CDH18: variants seen among roughly 807,000 people sequenced by gnomAD.
CDH18 encodes the protein cadherin 18, also known as cadherin-18.
A neutral mutation model predicts 67.9 loss-of-function variants in CDH18; 31 were observed. That is an observed-to-expected ratio of 0.46 (90% CI 0.34 to 0.62). CDH18 has a LOEUF of 0.62. CDH18 is among the 20% of genes least tolerant of loss of function. The pLI, the probability that CDH18 is intolerant of heterozygous loss-of-function variation, is 0.01. For missense variants in CDH18, 890 were observed against 975.5 expected (o/e 0.91, Z 1.17); for synonymous variants, 362 against 347.2 (o/e 1.04, Z -0.48).
chr5:19,818,453 T>C (rs1176850064), intron 3 of CDH18, among the ~76,000 whole-genome samples: 3 of 152,102 alleles, frequency 2.0e-5, no homozygotes, highest in Non-Finnish European at 4.4e-5. Flanking sequence ...ACTAGTCTGT[T>C]AGTTTTTACA....
intron 1 of CDH18, among the ~76,000 whole-genome samples, chr5:20,293,804 T>A (rs7705933): frequency 0.041 from 6,283 of 152,222 alleles, 385 homozygotes; most frequent in East Asian, 0.28. Context: ...AAATAGTGTA[T>A]TATAAAATAT....
intron 2 of CDH18, among the ~76,000 whole-genome samples, chr5:19,978,094 C>T (rs567413418): frequency 2.2e-4 from 34 of 151,712 alleles, no homozygotes; most frequent in African/African-American, 4.6e-4. Context: ...TTATTGTTTG[C>T]GTGGATGAAT....
intron 1 of CDH18, among the ~76,000 whole-genome samples, chr5:20,516,935 T>G (rs1755415080): frequency 6.6e-6 from 1 of 151,964 alleles, no homozygotes; most frequent in Admixed American, 6.6e-5. Context: ...CTAGAGTCCA[T>G]CAAATAGAAT....
rs1748433675 is a variant in CDH18 at position 20,427,966 on chromosome 5, T to C, written c.-580+147496A>G. Among the ~76,000 whole-genome samples, 2 of 151,110 alleles carry C rather than the reference T, an allele frequency of 1.3e-5. 1 individual carries two copies. Among genetic ancestry groups the C allele is most frequent in the African/African-American group, 5.0e-5 (2 of 40,396 alleles). ...ATTTTACTTTAAGTTCTAGGATACA[T>C]GTGCAGAACGTGCAGGTTTGTTACA... On this transcript the variant is annotated intron_variant, in intron 1 of 14. Coordinates refer to the CDH18 transcript ENST00000507958.
intron 2 of CDH18, among the ~76,000 whole-genome samples, chr5:19,897,516 A>G (rs1311000619): frequency 6.6e-6 from 1 of 152,108 alleles, no homozygotes; most frequent in Non-Finnish European, 1.5e-5. Context: ...ACTACTCAGC[A>G]ATATCTACTA....
intron 3 of CDH18, among the ~76,000 whole-genome samples, chr5:19,770,327 A>T (rs939048468): frequency 1.3e-5 from 2 of 152,106 alleles, no homozygotes; most frequent in Non-Finnish European, 2.9e-5. Flanking sequence ...AAAAAAACAT[A>T]ATCAGCAGAT....
At chr5:20,459,449 G>A (rs13170427) in intron 1 of CDH18, among the ~76,000 whole-genome samples, 74,158 of 151,934 alleles carry the variant, frequency 0.49, 18,451 homozygotes, top group Non-Finnish European at 0.52. Context: ...CTCTCTGACA[G>A]AAGGGAGAGG....
In CDH18 at chr5:20,025,587, T is replaced by G. The variant is rs183648218; in HGVS notation, c.-517-33573A>C. Among the ~76,000 whole-genome samples the G allele has an allele frequency of 3.0e-3, 462 of 152,278 alleles. 3 individuals are homozygous for G. The highest frequency in any genetic ancestry group is 0.01 in the African/African-American group (430 of 41,564). ...CTTCTGTATAATTAGCAGAGACAAA[T>G]CAACATTTTATTTTTGTCTTTGGCC... is the stretch of plus-strand genomic sequence containing the variant. On this transcript the variant is annotated intron_variant, in intron 2 of 14. Coordinates refer to the CDH18 transcript ENST00000507958.
chr5:20,304,206 G>A (rs1736206747), intron 1 of CDH18: 2 of 1,494,718 alleles, frequency 1.3e-6, no homozygotes, highest in African/African-American at 1.4e-5. Flanking sequence ...GTTGGCGTAC[G>A]TGGCATATTG....
rs1745913016 is a variant in CDH18, at chr5:20,095,580, G to A, written c.-517-103566C>T. 3.7e-5 allele frequency among the ~76,000 whole-genome samples: 5 copies of A among 133,388 alleles called. No individual in the cohort carries two copies. The South Asian group carries it at 1.4e-3, about 36-fold the overall frequency. The allele number at this position is 133,388 out of a possible 152,430, so 87.5% of individuals were successfully genotyped here. Reference sequence around the variant, plus strand: ...GAAAGAAAGGAAAGAAAGGAAGAAAGGAAGAAAGGAAGAAAGAAGAAAGAA... The same window carrying A: ...GAAAGAAAGGAAAGAAAGGAAGAAAAGAAGAAAGGAAGAAAGAAGAAAGAA... On this transcript the variant is annotated intron_variant, in intron 2 of 14. Transcript: ENST00000507958.
chr5:19,918,204 G>A (rs1005239402), intron 2 of CDH18, among the ~76,000 whole-genome samples: 12 of 152,096 alleles, frequency 7.9e-5, no homozygotes, highest in African/African-American at 2.9e-4. Flanking sequence ...CTTCATCTCT[G>A]ACTTTAAATA....
intron 4 of CDH18, among the ~76,000 whole-genome samples, chr5:19,736,896 G>A (rs1768409704): frequency 6.6e-6 from 1 of 152,166 alleles, no homozygotes; most frequent in South Asian, 2.1e-4. Context: ...CAGAGTATGA[G>A]TACAAGAAAA....
chr5:20,205,756 GA>G (rs1739829585), intron 2 of CDH18, among the ~76,000 whole-genome samples: 1 of 151,802 alleles, frequency 6.6e-6, no homozygotes. Flanking sequence ...ACATGCTCCT[GA>G]ATGACTAACA....
intron 2 of CDH18, among the ~76,000 whole-genome samples, chr5:20,043,280 T>A (rs565221228): frequency 6.6e-6 from 1 of 152,260 alleles, no homozygotes; most frequent in African/African-American, 2.4e-5. Context: ...CCCTTCCTCA[T>A]GATAGCGAAA....
rs140899687 is a variant in CDH18 at position 19,490,507 on chromosome 5, C to T, written c.1631-6955G>A. Among the ~76,000 whole-genome samples, 412 of 141,770 alleles carry T rather than the reference C, an allele frequency of 2.9e-3. 2 individuals carry two copies. Among genetic ancestry groups the T allele is most frequent in the African/African-American group, 0.01 (388 of 38,094 alleles). 93.0% of individuals were successfully genotyped at this position (141,770 alleles called of 152,430 possible). On this transcript the variant is annotated intron_variant, in intron 11 of 12. Coordinates refer to ENST00000382275, the MANE Select transcript of CDH18 (RefSeq NM_004934.5). ...TTGGCTTACTGCAACCTTCACCTCG[C>T]GGGTTCAAGTGATTCTCCTGCCTCA...
intron 1 of CDH18, among the ~76,000 whole-genome samples, chr5:20,498,522 A>T (rs1216447890): frequency 3.9e-5 from 6 of 152,136 alleles, no homozygotes; most frequent in Non-Finnish European, 8.8e-5. Context: ...AAGATGACTT[A>T]AAAAAGTGAG....
At chr5:19,524,337 A>C (rs985129534) in intron 9 of CDH18, among the ~76,000 whole-genome samples, 6 of 149,778 alleles carry the variant, frequency 4.0e-5, no homozygotes, top group African/African-American at 1.5e-4. Context: ...ATAAATGAAT[A>C]TATACATTAA....
At chr5:20,049,299 C>A (rs1456321495) in intron 2 of CDH18, among the ~76,000 whole-genome samples, 1 of 151,356 alleles carries the variant, frequency 6.6e-6, no homozygotes, top group Non-Finnish European at 1.5e-5. Context: ...GACAAAACAA[C>A]AGCAACAAAA....
intron 9 of CDH18, among the ~76,000 whole-genome samples, chr5:19,522,766 A>G (rs1387958765): frequency 1.3e-5 from 2 of 151,864 alleles, no homozygotes; most frequent in African/African-American, 2.4e-5. Context: ...GTGTTTGTGC[A>G]TGCCTGTACT....
Sources: gnomAD v4.1 joint callset for allele counts (sites outside exome capture counted in the v4.1 genomes callset) on GRCh38, gnomAD v4.1.1 for gene constraint, MANE v1.5 for transcripts, NCBI Gene and HGNC (gene_info 2026-07-23, HGNC 2026-07-21) for gene names.